The following CCDC171 variants were observed in gnomAD, a reference collection of about 807,000 sequenced individuals.
CCDC171 encodes coiled-coil domain containing 171.
CCDC171 carries 177 observed loss-of-function variants against 168.2 expected under a neutral mutation model. The observed-to-expected ratio is 1.05, with a 90% confidence interval of 0.93 to 1.19. CCDC171 has a LOEUF of 1.19. Ranked by LOEUF, CCDC171 falls within the 50% of genes most tolerant of loss-of-function variation. CCDC171 has a pLI of 0.00. For missense variants in CCDC171, 1,991 were observed against 1,539.0 expected (o/e 1.29, Z -4.91); for synonymous variants, 687 against 540.8 (o/e 1.27, Z -3.75).
At chr9:15,562,098 G>A (rs1318393982) in intron 1 of CCDC171, among the ~76,000 whole-genome samples, 1 of 151,954 alleles carries the variant, frequency 6.6e-6, no homozygotes, top group African/African-American at 2.4e-5. Flanking sequence ...GGGTTCAAGC[G>A]ATTCTCCTAT....
intron 11 of CCDC171, among the ~76,000 whole-genome samples, chr9:15,703,064 C>G (rs1291650115): frequency 6.6e-6 from 1 of 152,074 alleles, no homozygotes; most frequent in Non-Finnish European, 1.5e-5. Context: ...CCACCACACC[C>G]AGCTAATTTT....
At chr9:15,897,597 A>G (rs1383374921) in intron 24 of CCDC171, among the ~76,000 whole-genome samples, 2 of 152,170 alleles carry the variant, frequency 1.3e-5, no homozygotes, top group Non-Finnish European at 2.9e-5. Flanking sequence ...ATGCAGAGTA[A>G]TACTTATTAA....
intron 24 of CCDC171, among the ~76,000 whole-genome samples, chr9:15,903,808 A>T (rs1378632917): frequency 6.6e-6 from 1 of 152,234 alleles, no homozygotes; most frequent in Non-Finnish European, 1.5e-5. Flanking sequence ...TAACTAGAAT[A>T]ACCAATGCAG....
rs1221844640 is a variant in CCDC171, at chr9:15,906,181, G to C, written c.3601-14089G>C. Among the ~76,000 whole-genome samples the C allele has an allele frequency of 2.6e-5, 4 of 152,184 alleles. No individual in the cohort carries two copies. The East Asian group carries it at 7.7e-4, about 29-fold the overall frequency. On this transcript the variant is annotated intron_variant, in intron 24 of 25. Coordinates refer to ENST00000380701, the MANE Select transcript of CCDC171 (RefSeq NM_173550.4). ...CTCCCTAACTCATTTTATGAGGCCA[G>C]CATCATCCTGATACCAAAGCCTGGC... is the stretch of plus-strand genomic sequence containing the variant.
chr9:15,600,904 C>T (rs960814650), intron 6 of CCDC171, among the ~76,000 whole-genome samples: 3 of 152,152 alleles, frequency 2.0e-5, no homozygotes, highest in African/African-American at 4.8e-5. Flanking sequence ...TAGCAGTGAG[C>T]GAGGCTCCAT....
chr9:15,864,069 AT>A (rs1404096613), intron 23 of CCDC171, among the ~76,000 whole-genome samples: 1 of 151,842 alleles, frequency 6.6e-6, no homozygotes, highest in South Asian at 2.1e-4. Context: ...TGAGATTCAG[AT>A]TTTTTTCTTG....
At chr9:15,960,784 C>T in intron 25 of CCDC171, among the ~76,000 whole-genome samples, 1 of 152,152 alleles carries the variant, frequency 6.6e-6, no homozygotes, top group East Asian at 1.9e-4. Context: ...CTTTCTCTCC[C>T]TAAGAAATAC....
chr9:15,828,270 G>T (rs1242728583), intron 21 of CCDC171, among the ~76,000 whole-genome samples: 2 of 150,920 alleles, frequency 1.3e-5, no homozygotes, highest in African/African-American at 4.9e-5. Flanking sequence ...AGCATGAAAG[G>T]AAGAGCAAAC....
chr9:15,586,620 A>T (rs1313251210), intron 4 of CCDC171, among the ~76,000 whole-genome samples: 1 of 152,160 alleles, frequency 6.6e-6, no homozygotes, highest in Non-Finnish European at 1.5e-5. Flanking sequence ...TGAGAGGCAG[A>T]TAGGTCCTTA....
intron 12 of CCDC171, among the ~76,000 whole-genome samples, chr9:15,722,983 G>T (rs77211185): frequency 0.017 from 2,592 of 152,252 alleles, 93 homozygotes; most frequent in African/African-American, 0.059. Context: ...TTGGGAGGAT[G>T]AATGTCACAT....
At chr9:15,797,354 C>T (rs2058609363) in intron 21 of CCDC171, among the ~76,000 whole-genome samples, 1 of 152,060 alleles carries the variant, frequency 6.6e-6, no homozygotes, top group African/African-American at 2.4e-5. Context: ...GTAGCTAGGA[C>T]TACAGGCGCA....
intron 24 of CCDC171, among the ~76,000 whole-genome samples, chr9:15,908,091 A>G (rs9650678): frequency 0.85 from 127,290 of 150,340 alleles, 54,010 homozygotes; most frequent in East Asian, 0.96. Context: ...GTGGAAGTCA[A>G]TGTGGCGATT....
At chr9:15,832,284 C>T (rs1056963851) in intron 21 of CCDC171, among the ~76,000 whole-genome samples, 1 of 152,208 alleles carries the variant, frequency 6.6e-6, no homozygotes, top group African/African-American at 2.4e-5. Flanking sequence ...CATTTGAGCT[C>T]TTTGTGTGCC....
At chr9:15,599,077 G>A (rs200868488) in intron 6 of CCDC171, among the ~76,000 whole-genome samples, 5 of 152,046 alleles carry the variant, frequency 3.3e-5, no homozygotes, top group African/African-American at 9.7e-5. Flanking sequence ...AATACAGCAC[G>A]CTGATGGGCC....
the CCDC171 span, among the ~76,000 whole-genome samples, chr9:16,092,740 C>T: frequency 1.3e-5 from 2 of 152,170 alleles, no homozygotes; most frequent in African/African-American, 4.8e-5. Context: ...TTACCCTGGG[C>T]TCACCTTTGG....
At chr9:15,810,615 T>C (rs2059306447) in intron 21 of CCDC171, among the ~76,000 whole-genome samples, 1 of 152,114 alleles carries the variant, frequency 6.6e-6, no homozygotes, top group African/African-American at 2.4e-5. Context: ...TGCTGGGGAA[T>C]CTGGTGCACC....
intron 3 of CCDC171, among the ~76,000 whole-genome samples, chr9:15,994,339 A>G (rs1164943726): frequency 1.3e-5 from 2 of 152,172 alleles, no homozygotes; most frequent in Non-Finnish European, 2.9e-5. Flanking sequence ...TGCAAGGACA[A>G]AAATCCAAAC....
chr9:15,630,089 A>G (rs2045549076), intron 7 of CCDC171, among the ~76,000 whole-genome samples: 1 of 152,232 alleles, frequency 6.6e-6, no homozygotes, highest in Admixed American at 6.5e-5. Flanking sequence ...GACTGTAAAG[A>G]CCATCGAGGC....
intron 3 of CCDC171, among the ~76,000 whole-genome samples, chr9:15,979,100 A>G (rs932943764): frequency 6.6e-6 from 1 of 152,222 alleles, no homozygotes; most frequent in Non-Finnish European, 1.5e-5. Context: ...ATATTCCACT[A>G]TATGAATAGA....
Sources: allele counts gnomAD v4.1 joint callset (sites outside exome capture counted in the v4.1 genomes callset), GRCh38; gene constraint gnomAD v4.1.1; transcripts MANE v1.5; gene names NCBI Gene and HGNC (gene_info 2026-07-23, HGNC 2026-07-21).